ZYG11A: variants seen among roughly 807,000 people sequenced by gnomAD.
The protein encoded by ZYG11A is protein zyg-11 homolog A.
ZYG11A carries 62 observed loss-of-function variants against 77.2 expected under a neutral mutation model. That is an observed-to-expected ratio of 0.80 (90% CI 0.65 to 0.99). The LOEUF (loss-of-function observed/expected upper bound fraction) is 0.99. Among genes scored for constraint, ZYG11A ranks in the 50% least tolerant of loss-of-function variants. ZYG11A has a pLI of 0.00. For missense variants in ZYG11A, 828 were observed against 896.8 expected (o/e 0.92, Z 0.98); for synonymous variants, 315 against 324.6 (o/e 0.97, Z 0.32).
intron 8 of ZYG11A, among the ~76,000 whole-genome samples, chr1:52,870,662 C>A (rs1216016241): frequency 6.6e-6 from 1 of 152,224 alleles, no homozygotes; most frequent in Non-Finnish European, 1.5e-5. Context: ...AGCTGGAGAC[C>A]AGCCCGGCCA....
At chr1:52,878,492 T>C (rs979631452) in intron 10 of ZYG11A, among the ~76,000 whole-genome samples, 2 of 152,208 alleles carry the variant, frequency 1.3e-5, no homozygotes, top group Admixed American at 1.3e-4. Context: ...ACAGGTTATA[T>C]ATTTAAGCCC....
At chr1:52,849,964 G>A (rs1212500042) in intron 1 of ZYG11A, among the ~76,000 whole-genome samples, 4 of 152,148 alleles carry the variant, frequency 2.6e-5, no homozygotes, top group Admixed American at 1.3e-4. Context: ...GATTACAGGC[G>A]TGAGCCACCA....
Position 52,892,775 on chromosome 1 carries a change from C to G in ZYG11A, c.2105-7C>G, listed in dbSNP as rs1042997830. The stretch of plus-strand genomic sequence containing the variant: ...CCATGGAGTGTCTCTGCTTGATTTT[C>G]TTTCAGCCAGCAAATACTGCAAAAT... On this transcript the variant is annotated splice_region_variant and splice_polypyrimidine_tract_variant and intron_variant, in intron 13 of 13. Coordinates refer to ENST00000371528, the MANE Select transcript of ZYG11A (RefSeq NM_001004339.3). The G allele has an allele frequency of 5.8e-6, 9 of 1,551,114 alleles. No homozygotes were observed. In the African/African-American group the frequency reaches 1.1e-4, roughly 19 times the overall value.
intron 6 of ZYG11A, 28 bp downstream of exon 6, chr1:52,866,595 G>C (rs748901821): frequency 7.1e-7 from 1 of 1,412,188 alleles, no homozygotes; most frequent in South Asian, 1.2e-5. Context: ...TCATTTGACT[G>C]GGGTGTTGGC....
rs1195350565 is a variant in ZYG11A, at chr1:52,857,736, A to C, written c.995A>C (p.Lys332Thr). The C allele has an allele frequency of 6.5e-7, 1 of 1,547,408 alleles. No individual in the cohort carries two copies. Among genetic ancestry groups the C allele is most frequent in the Non-Finnish European group, 8.7e-7 (1 of 1,144,946 alleles). ...GGCTCTTCTGACTTCTTTACTACAA[A>C]GCAAGGCTTGAGGGTTTGTTCTTAT... ...DAGSSDFFTT[K>T]QGLRVAGGAS... Residue 332 changes from lysine (K) to threonine (T), a missense_variant, in exon 3 of 14, where the codon AAG becomes ACG. By Grantham distance (78) the Lys-to-Thr change is moderately conservative (BLOSUM62 -1). Coordinates refer to ENST00000371528, the MANE Select transcript of ZYG11A (RefSeq NM_001004339.3).
At chr1:52,869,777 G>C (rs1018017890) in intron 8 of ZYG11A, among the ~76,000 whole-genome samples, 2 of 151,868 alleles carry the variant, frequency 1.3e-5, no homozygotes, top group African/African-American at 4.9e-5. Flanking sequence ...CCCAGACGGG[G>C]TGGTGGCTGG....
chr1:52,866,794 G>A (rs1256581215), intron 6 of ZYG11A, among the ~76,000 whole-genome samples: 2 of 152,158 alleles, frequency 1.3e-5, no homozygotes, highest in Non-Finnish European at 2.9e-5. Context: ...TTGGACTCAA[G>A]ATCTAGCCCT....
In ZYG11A at chr1:52,854,446, T is replaced by C; in HGVS notation, c.91-19T>C. Reference sequence around the variant, plus strand: ...GCAGATGTATTCTAACAAAGTTTGTTTGGGGTTTTGTTTGCTAGGAAGAGG... The same window carrying C: ...GCAGATGTATTCTAACAAAGTTTGTCTGGGGTTTTGTTTGCTAGGAAGAGG... On this transcript the variant is annotated intron_variant, in intron 1 of 13. Transcript: ENST00000371528. 1 of 1,521,182 alleles carries C rather than the reference T, an allele frequency of 6.6e-7. No individual in the cohort carries two copies. The highest frequency in any genetic ancestry group is 8.9e-7 in the Non-Finnish European group (1 of 1,125,516). 94.2% of individuals were successfully genotyped at this position (1,521,182 alleles called of 1,614,324 possible).
chr1:52,892,323 C>T (rs1234737168), intron 13 of ZYG11A, among the ~76,000 whole-genome samples: 3 of 148,256 alleles, frequency 2.0e-5, no homozygotes, highest in Admixed American at 1.3e-4. Flanking sequence ...GTCAGGAGAT[C>T]GAGACCATCC....
intron 10 of ZYG11A, among the ~76,000 whole-genome samples, chr1:52,878,949 CAAAAAAAAAAAA>C (rs914463472): frequency 1.1e-4 from 3 of 27,274 alleles, no homozygotes; most frequent in Non-Finnish European, 1.9e-4. Context: ...AAACTCTGCT[CAAAAAAAAAAAA>C]AAAAAAAAAA....
chr1:52,866,000 C>T (rs763273116), intron 5 of ZYG11A, among the ~76,000 whole-genome samples: 7 of 141,004 alleles, frequency 5.0e-5, no homozygotes, highest in Non-Finnish European at 1.1e-4. Context: ...TGCAGTGGCA[C>T]AATCTTGGCT....
intron 11 of ZYG11A, among the ~76,000 whole-genome samples, chr1:52,883,857 G>C (rs1389741432): frequency 1.3e-5 from 2 of 152,028 alleles, no homozygotes; most frequent in African/African-American, 4.8e-5. Context: ...CATGGGGACA[G>C]CTAAGAGTGG....
chr1:52,885,387 G>A (rs927041274), intron 11 of ZYG11A, among the ~76,000 whole-genome samples: 2 of 144,172 alleles, frequency 1.4e-5, no homozygotes, highest in African/African-American at 5.2e-5. Flanking sequence ...TGTATTTTTA[G>A]TAGAAACGGG....
intron 13 of ZYG11A, among the ~76,000 whole-genome samples, chr1:52,888,716 G>A (rs891396190): frequency 1.4e-4 from 21 of 152,152 alleles, no homozygotes; most frequent in African/African-American, 4.8e-4. Flanking sequence ...CCAGCACTTT[G>A]GGAGGCCAAG....
At chr1:52,867,840 A>T in intron 8 of ZYG11A, 63 bp downstream of exon 8, 1 of 1,121,398 alleles carries the variant, frequency 8.9e-7, no homozygotes, top group South Asian at 1.6e-5. Flanking sequence ...ATTATAGCTT[A>T]AAAAAAAAAT....
intron 8 of ZYG11A, among the ~76,000 whole-genome samples, chr1:52,871,671 GT>G (rs1646169248): frequency 6.6e-6 from 1 of 151,904 alleles, no homozygotes; most frequent in African/African-American, 2.4e-5. Context: ...TAGAGACGGG[GT>G]TTTACCATTT....
At chr1:52,871,382 T>C (rs1646162221) in intron 8 of ZYG11A, among the ~76,000 whole-genome samples, 1 of 152,192 alleles carries the variant, frequency 6.6e-6, no homozygotes, top group Non-Finnish European at 1.5e-5. Flanking sequence ...TGTGTGTTTC[T>C]ACTTGTCTTT....
intron 1 of ZYG11A, among the ~76,000 whole-genome samples, chr1:52,851,010 G>A (rs1645699080): frequency 6.6e-6 from 1 of 151,884 alleles, no homozygotes; most frequent in Non-Finnish European, 1.5e-5. Flanking sequence ...TACTTTGAGT[G>A]TCTATATATA....
chr1:52,867,985 G>A (rs962256677), intron 8 of ZYG11A, among the ~76,000 whole-genome samples: 1 of 14,134 alleles, frequency 7.1e-5, no homozygotes, highest in Non-Finnish European at 1.2e-4. Flanking sequence ...TTTTTTTTTT[G>A]AGACAGAGTC....
Sources: allele counts gnomAD v4.1 joint callset (sites outside exome capture counted in the v4.1 genomes callset), GRCh38; gene constraint gnomAD v4.1.1; transcripts MANE v1.5; gene names NCBI Gene and HGNC (gene_info 2026-07-23, HGNC 2026-07-21).